The following ZDHHC13 variants were observed in gnomAD, a reference collection of about 807,000 sequenced individuals.
ZDHHC13 encodes zDHHC palmitoyltransferase 13.
ZDHHC13 carries 85 observed loss-of-function variants against 86.0 expected under a neutral mutation model. That is an observed-to-expected ratio of 0.99 (90% confidence interval 0.83 to 1.18). The LOEUF is 1.18. Among genes scored for constraint, ZDHHC13 ranks in the 50% most tolerant of loss-of-function variants. The pLI is 0.00. For missense variants in ZDHHC13, 711 were observed against 730.2 expected, an observed-to-expected ratio of 0.97 and a Z score of 0.30; for synonymous variants, 263 against 246.4, an observed-to-expected ratio of 1.07 and a Z score of -0.63.
chr11:19,131,238 T>G (rs1408733465), intron 1 of ZDHHC13, among the ~76,000 whole-genome samples: 1 of 152,172 alleles, frequency 6.6e-6, no homozygotes, highest in Non-Finnish European at 1.5e-5. Flanking sequence ...CAGGCTGGTC[T>G]CGAACTCCTG....
At chr11:19,141,591 C>T (rs1849320740) in intron 1 of ZDHHC13, among the ~76,000 whole-genome samples, 1 of 151,826 alleles carries the variant, frequency 6.6e-6, no homozygotes, top group Admixed American at 6.6e-5. Context: ...TGATAATGAA[C>T]CCAAAAGGCT....
chr11:19,166,382 A>T lies in ZDHHC13; in HGVS notation c.1471A>T (p.Ile491Phe), dbSNP rs533957264. The T allele has an allele frequency of 2.7e-5, 43 of 1,610,098 alleles. No homozygotes were observed. The South Asian group carries it at 4.6e-4, about 17-fold the overall frequency. ...TGGCTGGATTATATATGGATCTTTC[A>T]TCTGTAAGTGTAAATTTTTCTTACA... is the stretch of plus-strand genomic sequence containing the variant. ...VCGWIIYGSF[I>F]YLSSHCATTF... The change falls in exon 14 of 17, where the codon ATC (isoleucine) becomes TTC (phenylalanine). Residue 491 changes from isoleucine to phenylalanine, a missense_variant. Physicochemically the swap from Ile to Phe is conservative, Grantham distance 21. Transcript: ENST00000446113.
At chr11:19,170,661 T>C (rs774891394) in intron 15 of ZDHHC13, 93 bp downstream of exon 15, 7 of 1,213,122 alleles carry the variant, frequency 5.8e-6, no homozygotes, top group Admixed American at 3.1e-5. Flanking sequence ...ATGCACATTC[T>C]GTTTTTACCT....
rs762120042 is a variant in ZDHHC13 at position 19,154,217 on chromosome 11, C to T, written c.873+1533C>T. Reference sequence around the variant, plus strand: ...TAAGTTCATTGATGTGTCCCAAGTGCCTAGAATAGTACCTTGCATATAATA... The same window carrying T: ...TAAGTTCATTGATGTGTCCCAAGTGTCTAGAATAGTACCTTGCATATAATA... On this transcript the variant is annotated intron_variant, in intron 8 of 16. Transcript: ENST00000446113. Among the ~76,000 whole-genome samples the T allele has an allele frequency of 3.0e-4, 45 of 152,024 alleles. 3 individuals carry two copies. Among genetic ancestry groups the T allele is most frequent in the Non-Finnish European group, 4.4e-5 (3 of 68,016 alleles).
intron 15 of ZDHHC13, among the ~76,000 whole-genome samples, chr11:19,171,285 T>C (rs772840525): frequency 2.0e-5 from 3 of 152,218 alleles, no homozygotes; most frequent in Non-Finnish European, 4.4e-5. Flanking sequence ...ATTCTCATTA[T>C]TGCTGTGTCC....
intron 1 of ZDHHC13, 131 bp from the exon 2 acceptor site, chr11:19,142,847 G>C: frequency 2.0e-6 from 2 of 1,000,620 alleles, no homozygotes; most frequent in Non-Finnish European, 2.8e-6. Context: ...TCATTCTCAG[G>C]ATACACTTCT....
chr11:19,120,756 A>AT (rs975340919), intron 1 of ZDHHC13, among the ~76,000 whole-genome samples: 60 of 151,952 alleles, frequency 3.9e-4, no homozygotes, highest in Non-Finnish European at 5.6e-4. Context: ...CCCTCTTTAA[A>AT]TTTTTTTTCC....
At chr11:19,131,216 C>T (rs980372902) in intron 1 of ZDHHC13, among the ~76,000 whole-genome samples, 4 of 152,274 alleles carry the variant, frequency 2.6e-5, no homozygotes, top group South Asian at 2.1e-4. Flanking sequence ...GACGGGGTTT[C>T]ACCATATTGG....
chr11:19,169,140 A>G (rs1301173662), intron 14 of ZDHHC13: 38 of 985,366 alleles, frequency 3.9e-5, no homozygotes, highest in Admixed American at 6.1e-5. Context: ...GTATTATCAA[A>G]AGAATTCCCA....
chr11:19,171,734 A>T (rs1429288518), intron 15 of ZDHHC13, among the ~76,000 whole-genome samples: 1 of 152,220 alleles, frequency 6.6e-6, no homozygotes, highest in Non-Finnish European at 1.5e-5. Context: ...ATATGAGATG[A>T]TAATATCCTT....
At chr11:19,149,101 C>A in intron 4 of ZDHHC13, 86 bp from the exon 5 acceptor site, 1 of 1,206,592 alleles carries the variant, frequency 8.3e-7, no homozygotes, top group South Asian at 3.2e-5. Flanking sequence ...TAACCAAAAT[C>A]CCTCATGTCT....
At chr11:19,166,593 T>A (rs1048583863) in intron 14 of ZDHHC13, 1 of 380,908 alleles carries the variant, frequency 2.6e-6, no homozygotes, top group Non-Finnish European at 4.6e-6. Context: ...AGGAAAAAAA[T>A]GTGATAAATT....
chr11:19,157,610 A>T (rs1047233392), intron 9 of ZDHHC13, among the ~76,000 whole-genome samples: 9 of 152,216 alleles, frequency 5.9e-5, no homozygotes, highest in African/African-American at 2.2e-4. Flanking sequence ...CTTTCCACTA[A>T]TTGGATTAAC....
At chr11:19,130,041 T>C (rs1848959921) in intron 1 of ZDHHC13, among the ~76,000 whole-genome samples, 1 of 151,906 alleles carries the variant, frequency 6.6e-6, no homozygotes, top group African/African-American at 2.4e-5. Context: ...TGAGCCGAGA[T>C]CACGCCACTG....
intron 1 of ZDHHC13, among the ~76,000 whole-genome samples, chr11:19,118,547 A>C (rs1848695365): frequency 6.6e-6 from 1 of 152,238 alleles, no homozygotes; most frequent in Admixed American, 6.5e-5. Flanking sequence ...ACTGCCACTC[A>C]TTTACAGAAG....
intron 9 of ZDHHC13, 35 bp downstream of exon 9, chr11:19,155,964 T>C (rs767832273): frequency 6.4e-7 from 1 of 1,567,454 alleles, no homozygotes; most frequent in Non-Finnish European, 8.6e-7. Context: ...CTGGTTATTG[T>C]GTTTCTGATT....
intron 2 of ZDHHC13, among the ~76,000 whole-genome samples, chr11:19,145,088 G>C (rs1849422912): frequency 6.6e-6 from 1 of 150,376 alleles, no homozygotes. Context: ...CAGCCTGGGC[G>C]ACAAAGCAAG....
At chr11:19,140,161 A>G (rs1164154650) in intron 1 of ZDHHC13, among the ~76,000 whole-genome samples, 1 of 150,558 alleles carries the variant, frequency 6.6e-6, no homozygotes, top group Non-Finnish European at 1.5e-5. Flanking sequence ...TTCGCAACCT[A>G]CTCATCTGAC....
intron 1 of ZDHHC13, among the ~76,000 whole-genome samples, chr11:19,131,738 A>G (rs1462677410): frequency 6.6e-6 from 1 of 151,678 alleles, no homozygotes; most frequent in Non-Finnish European, 1.5e-5. Context: ...GGTTCAAGTG[A>G]TTCTCCTGCC....
Sources: allele counts gnomAD v4.1 joint callset (sites outside exome capture counted in the v4.1 genomes callset), GRCh38; gene constraint gnomAD v4.1.1; transcripts MANE v1.5; gene names NCBI Gene and HGNC (gene_info 2026-07-23, HGNC 2026-07-21).